Variants in CCSER1 observed in about 807,000 individuals in gnomAD.
The protein encoded by CCSER1 is serine-rich coiled-coil domain-containing protein 1.
CCSER1 carries 41 observed loss-of-function variants against 82.0 expected under a neutral mutation model. The ratio of observed to expected loss-of-function variants is 0.50; its 90% CI spans 0.39 to 0.65. The LOEUF (loss-of-function observed/expected upper bound fraction) is 0.65. CCSER1 is among the 30% of genes least tolerant of loss of function. The pLI is 0.00. For synonymous variants in CCSER1, 414 were observed against 383.9 expected (o/e 1.08, Z -0.92); for missense variants, 1,119 against 1,064.2 (o/e 1.05, Z -0.72).
chr4:91,470,328 T>C (rs558792744), intron 10 of CCSER1, among the ~76,000 whole-genome samples: 1 of 152,316 alleles, frequency 6.6e-6, no homozygotes, highest in Non-Finnish European at 1.5e-5. Flanking sequence ...TCTAAATCCT[T>C]TGTAGTTGGA....
intron 8 of CCSER1, among the ~76,000 whole-genome samples, chr4:90,855,108 A>G (rs1455419452): frequency 6.6e-6 from 1 of 152,148 alleles, no homozygotes; most frequent in East Asian, 1.9e-4. Context: ...GATCCAGTCC[A>G]GTCACCTCCC....
At chr4:91,377,982 C>A (rs1321023094) in intron 10 of CCSER1, among the ~76,000 whole-genome samples, 7 of 152,160 alleles carry the variant, frequency 4.6e-5, no homozygotes, top group African/African-American at 1.7e-4. Flanking sequence ...AGCCAGTTTT[C>A]CAAGCACCAT....
At chr4:90,484,942 G>A (rs1445225066) in intron 5 of CCSER1, among the ~76,000 whole-genome samples, 1 of 152,214 alleles carries the variant, frequency 6.6e-6, no homozygotes, top group Non-Finnish European at 1.5e-5. Context: ...GGTTATTGCT[G>A]TCTTTTGTTT....
chr4:91,105,346 T>C (rs1022453990), intron 10 of CCSER1, among the ~76,000 whole-genome samples: 14 of 152,154 alleles, frequency 9.2e-5, no homozygotes, highest in African/African-American at 3.4e-4. Context: ...CAAGAGCTTC[T>C]TGTTCTCTTC....
intron 10 of CCSER1, among the ~76,000 whole-genome samples, chr4:91,381,230 G>T (rs1489356208): frequency 3.3e-5 from 5 of 151,984 alleles, no homozygotes; most frequent in Non-Finnish European, 5.9e-5. Context: ...GTGTCTTGGG[G>T]TTGCTCTTCT....
chr4:91,277,959 T>C (rs192130394), intron 10 of CCSER1, among the ~76,000 whole-genome samples: 4 of 152,252 alleles, frequency 2.6e-5, no homozygotes, highest in African/African-American at 4.8e-5. Flanking sequence ...CAGGAGCATG[T>C]TGTTTAATTT....
intron 10 of CCSER1, among the ~76,000 whole-genome samples, chr4:91,345,551 A>C (rs775853129): frequency 4.6e-5 from 7 of 152,044 alleles, no homozygotes; most frequent in Non-Finnish European, 1.0e-4. Flanking sequence ...GTTATAATTT[A>C]TTTCTAAAAT....
At chr4:91,420,456 T>C in intron 10 of CCSER1, among the ~76,000 whole-genome samples, 1 of 152,116 alleles carries the variant, frequency 6.6e-6, no homozygotes, top group Non-Finnish European at 1.5e-5. Context: ...ACATCATTAA[T>C]TGTCAGAGAA....
intron 4 of CCSER1, among the ~76,000 whole-genome samples, chr4:90,400,897 T>C (rs7696499): frequency 0.024 from 3,692 of 152,114 alleles, 135 homozygotes; most frequent in African/African-American, 0.083. Flanking sequence ...GGATATAGCA[T>C]TAAACTAAAG....
intron 1 of CCSER1, among the ~76,000 whole-genome samples, chr4:90,163,199 T>C (rs888804109): frequency 1.3e-5 from 2 of 152,156 alleles, no homozygotes; most frequent in Non-Finnish European, 1.5e-5. Flanking sequence ...TTTATGATGC[T>C]AAATTTAAGC....
intron 10 of CCSER1, among the ~76,000 whole-genome samples, chr4:91,264,928 T>A (rs943137502): frequency 2.3e-4 from 35 of 152,100 alleles, no homozygotes; most frequent in African/African-American, 8.2e-4. Flanking sequence ...ATATGACTAA[T>A]GAATAGATTT....
chr4:91,091,855 G>A (rs1167107711), intron 10 of CCSER1, among the ~76,000 whole-genome samples: 1 of 152,152 alleles, frequency 6.6e-6, no homozygotes, highest in Non-Finnish European at 1.5e-5. Context: ...GAAAAAGGGT[G>A]AACTGGGGAG....
rs142917361 is a variant in CCSER1 at position 91,121,044 on chromosome 4, T to C, written c.2217+35050T>C. ...GAAATGGATGTTTAATAAAAAACATTTTGACAGTTTCAATTGGAAAATTTA... is the reference window on the plus strand; with the variant it reads ...GAAATGGATGTTTAATAAAAAACATCTTGACAGTTTCAATTGGAAAATTTA... On this transcript the variant is annotated intron_variant, in intron 10 of 10. Coordinates refer to ENST00000509176, the MANE Select transcript of CCSER1 (RefSeq NM_001145065.2). Among the ~76,000 whole-genome samples the C allele has an allele frequency of 4.3e-3, 647 of 152,030 alleles. 5 individuals are homozygous for C. The highest frequency in any genetic ancestry group is 0.024 in the Middle Eastern group (7 of 294).
At chr4:90,137,539 G>T (rs540469130) in intron 1 of CCSER1, among the ~76,000 whole-genome samples, 2 of 152,284 alleles carry the variant, frequency 1.3e-5, no homozygotes, top group South Asian at 2.1e-4. Flanking sequence ...GGAGAGTCAG[G>T]TTCATTGGAC....
At chr4:91,594,428 T>TATACAC (rs1560788704) in intron 10 of CCSER1, among the ~76,000 whole-genome samples, 2 of 146,964 alleles carry the variant, frequency 1.4e-5, no homozygotes, top group Non-Finnish European at 3.0e-5. Context: ...TATACATATA[T>TATACAC]ACATATACAC....
intron 10 of CCSER1, among the ~76,000 whole-genome samples, chr4:91,490,175 A>G (rs1472308474): frequency 6.6e-6 from 1 of 152,210 alleles, no homozygotes; most frequent in Non-Finnish European, 1.5e-5. Flanking sequence ...TATGGAGAAC[A>G]GTGTGAAGCT....
chr4:90,285,190 G>A (rs1729635603), intron 1 of CCSER1, among the ~76,000 whole-genome samples: 1 of 151,852 alleles, frequency 6.6e-6, no homozygotes, highest in Non-Finnish European at 1.5e-5. Context: ...GAATGTCATT[G>A]GTGTTTTGAT....
chr4:90,400,633 A>G (rs150717090), intron 4 of CCSER1, among the ~76,000 whole-genome samples: 1 of 152,262 alleles, frequency 6.6e-6, no homozygotes, highest in African/African-American at 2.4e-5. Context: ...AAACATATAC[A>G]CACACATAGA....
chr4:90,825,653 A>G (rs62311066), intron 8 of CCSER1, among the ~76,000 whole-genome samples: 14,652 of 151,912 alleles, frequency 0.096, 762 homozygotes, highest in Admixed American at 0.14. Flanking sequence ...GGCATCTCAT[A>G]TAAAGATTTA....
Sources: gnomAD v4.1 joint callset for allele counts (sites outside exome capture counted in the v4.1 genomes callset) on GRCh38, gnomAD v4.1.1 for gene constraint, MANE v1.5 for transcripts, NCBI Gene and HGNC (gene_info 2026-07-23, HGNC 2026-07-21) for gene names.